The following DRD3 variants were observed in gnomAD, a reference collection of about 807,000 sequenced individuals.
DRD3 encodes D(3) dopamine receptor.
In DRD3, 19 loss-of-function variants were observed where a neutral mutation model predicts 36.3. The ratio of observed to expected loss-of-function variants is 0.52; its 90% confidence interval spans 0.36 to 0.77. The LOEUF is 0.77. Ranked by LOEUF, DRD3 falls within the 30% of genes least tolerant of loss-of-function variation. The pLI is 0.00. For missense variants in DRD3, 465 were observed against 505.3 expected, an observed-to-expected ratio of 0.92 and a Z score of 0.77; for synonymous variants, 195 against 203.7, an observed-to-expected ratio of 0.96 and a Z score of 0.36.
intron 1 of DRD3, among the ~76,000 whole-genome samples, chr3:114,192,437 A>G (rs1201720101): frequency 6.6e-6 from 1 of 152,144 alleles, no homozygotes; most frequent in East Asian, 1.9e-4. Context: ...TAGGGTCTGT[A>G]TAGTCAATTT....
intron 1 of DRD3, among the ~76,000 whole-genome samples, chr3:114,173,443 A>G (rs2107887559): frequency 1.3e-5 from 2 of 152,184 alleles, no homozygotes; most frequent in Middle Eastern, 3.4e-3. Context: ...TCTCTACCCA[A>G]CTGCTCAGAG....
At chr3:114,198,241 T>A (rs2078047492) in intron 1 of DRD3, among the ~76,000 whole-genome samples, 1 of 151,826 alleles carries the variant, frequency 6.6e-6, no homozygotes, top group African/African-American at 2.4e-5. Flanking sequence ...TTTTTTTTCC[T>A]TTTTTGGAGA....
chr3:114,158,266 A>AG (rs1381844048), intron 3 of DRD3, among the ~76,000 whole-genome samples: 1 of 151,732 alleles, frequency 6.6e-6, no homozygotes, highest in East Asian at 1.9e-4. Context: ...AAAAAAAAAA[A>AG]AAGGAATATA....
upstream of DRD3, chr3:114,179,186 C>G (rs966373113): frequency 2.0e-5 from 3 of 152,108 alleles, no homozygotes; most frequent in African/African-American, 7.2e-5. Flanking sequence ...GTTTAATTGC[C>G]TTTCCAGATT....
At chr3:114,137,358 C>T (rs955692580) in intron 5 of DRD3, among the ~76,000 whole-genome samples, 1 of 152,182 alleles carries the variant, frequency 6.6e-6, no homozygotes, top group African/African-American at 2.4e-5. Context: ...AGTTGTGGGT[C>T]TAGCCATGTC....
At chr3:114,186,055 C>A (rs1439264494) in intron 1 of DRD3, among the ~76,000 whole-genome samples, 10 of 152,180 alleles carry the variant, frequency 6.6e-5, no homozygotes, top group Admixed American at 5.2e-4. Context: ...CAAGGATCAG[C>A]CTGACGTGCA....
At chr3:114,156,725 CTT>C (rs1450650969) in intron 3 of DRD3, among the ~76,000 whole-genome samples, 217 of 47,330 alleles carry the variant, frequency 4.6e-3, no homozygotes, top group African/African-American at 0.014. Flanking sequence ...GTCTTTCTTT[CTT>C]TCTTTCTTTC....
Position 114,171,718 on chromosome 3 carries a change from C to T in DRD3, c.270+5G>A, listed in dbSNP as rs1389898383. On this transcript the variant is annotated splice_donor_5th_base_variant and intron_variant, in intron 2 of 6. Transcript: ENST00000383673. ...AGAGACAACATGCACCTGAAGTCTA[C>T]TCACCTCCAGGTATACCACCCAGGG... 1.9e-6 allele frequency: 3 copies of T among 1,587,940 alleles called. No homozygotes were observed. Among genetic ancestry groups the T allele is most frequent in the South Asian group, 1.2e-5 (1 of 86,174 alleles).
chr3:114,135,048 A>G (rs1198189262), intron 5 of DRD3, among the ~76,000 whole-genome samples: 3 of 152,040 alleles, frequency 2.0e-5, no homozygotes, highest in African/African-American at 4.8e-5. Context: ...GTATGTTTGT[A>G]CCCCTGAATC....
In DRD3 at chr3:114,128,691, A is replaced by G; in HGVS notation, c.*25T>C. 1 of 1,562,540 alleles carries G rather than the reference A, an allele frequency of 6.4e-7. No individual in the cohort carries two copies. Among genetic ancestry groups the G allele is most frequent in the Non-Finnish European group, 8.7e-7 (1 of 1,152,050 alleles). On this transcript the variant is annotated 3_prime_UTR_variant, in exon 7 of 7. Coordinates refer to ENST00000383673, the MANE Select transcript of DRD3 (RefSeq NM_000796.6). The stretch of plus-strand genomic sequence containing the variant: ...CAGCCTGGCAGCTAGAAATGGGTAC[A>G]AAGAGTGTTCCCTCTTCTGCTCCCT...
rs1218388997 is a variant in DRD3 at position 114,127,808 on chromosome 3, C to A, written c.*908G>T. ...TGAGACCACCGTTGTATATGTGGTCCACTGTTGCCCAAAATGTCATGATGT... is the reference window on the plus strand; with the variant it reads ...TGAGACCACCGTTGTATATGTGGTCAACTGTTGCCCAAAATGTCATGATGT... On this transcript the variant is annotated 3_prime_UTR_variant, in exon 7 of 7. Transcript: ENST00000383673. 6.6e-6 allele frequency among the ~76,000 whole-genome samples: 1 copy of A among 152,118 alleles called. No homozygotes were observed. Among genetic ancestry groups the A allele is most frequent in the African/African-American group, 2.4e-5 (1 of 41,416 alleles).
intron 3 of DRD3, among the ~76,000 whole-genome samples, chr3:114,149,148 G>T (rs908309208): frequency 1.3e-5 from 2 of 152,148 alleles, no homozygotes; most frequent in Non-Finnish European, 2.9e-5. Flanking sequence ...TAAGTGGAGT[G>T]AATGAACAAT....
At chr3:114,179,771 T>A (rs1238243083), upstream of DRD3, among the ~76,000 whole-genome samples, 2 of 152,178 alleles carry the variant, frequency 1.3e-5, no homozygotes, top group African/African-American at 4.8e-5. Context: ...GCGGTGCAGT[T>A]ATAGGGAAGC....
At chr3:114,157,107 G>A (rs1468414505) in intron 3 of DRD3, among the ~76,000 whole-genome samples, 3 of 149,890 alleles carry the variant, frequency 2.0e-5, no homozygotes, top group Non-Finnish European at 4.4e-5. Context: ...AGGCTGGAGT[G>A]CAATGGTGCA....
intron 1 of DRD3, among the ~76,000 whole-genome samples, chr3:114,193,781 A>G (rs536759410): frequency 1.5e-4 from 23 of 152,256 alleles, no homozygotes; most frequent in Non-Finnish European, 2.4e-4. Flanking sequence ...AATTCCAGAA[A>G]AGGAAATATT....
At chr3:114,188,088 C>T (rs982256462) in intron 1 of DRD3, among the ~76,000 whole-genome samples, 2 of 151,786 alleles carry the variant, frequency 1.3e-5, no homozygotes, top group Non-Finnish European at 1.5e-5. Context: ...GGGGCTTTGG[C>T]AAATAACAGA....
At chr3:114,175,329 T>TGA (rs2077887420) in intron 1 of DRD3, among the ~76,000 whole-genome samples, 1 of 152,162 alleles carries the variant, frequency 6.6e-6, no homozygotes, top group Non-Finnish European at 1.5e-5. Flanking sequence ...AATTGTAAAG[T>TGA]ATCTAGTGAA....
At chr3:114,176,410 C>T (rs929459283) in intron 1 of DRD3, among the ~76,000 whole-genome samples, 1 of 151,964 alleles carries the variant, frequency 6.6e-6, no homozygotes, top group Non-Finnish European at 1.5e-5. Context: ...TCAGCCTGGG[C>T]AACATAGTGA....
At chr3:114,144,974 C>A (rs2077558352) in intron 4 of DRD3, among the ~76,000 whole-genome samples, 1 of 152,162 alleles carries the variant, frequency 6.6e-6, no homozygotes, top group African/African-American at 2.4e-5. Flanking sequence ...GCAAATTCAT[C>A]ATTCTTCTTC....
Sources: allele counts gnomAD v4.1 joint callset (sites outside exome capture counted in the v4.1 genomes callset), GRCh38; gene constraint gnomAD v4.1.1; transcripts MANE v1.5; gene names NCBI Gene and HGNC (gene_info 2026-07-23, HGNC 2026-07-21).